The following EYA2 variants were observed in gnomAD, a reference collection of about 807,000 sequenced individuals.
EYA2 encodes protein phosphatase EYA2.
In EYA2, 31 loss-of-function variants were observed where a neutral mutation model predicts 69.2. That is an observed-to-expected ratio of 0.45 (90% confidence interval 0.34 to 0.60). EYA2 has a LOEUF of 0.60. EYA2 is among the 20% of genes least tolerant of loss of function. The probability of loss-of-function intolerance (pLI) is 0.02; values close to 1 mark genes in which losing one functional copy is unlikely to be tolerated. For synonymous variants in EYA2, 257 were observed against 279.4 expected (o/e 0.92, Z 0.80); for missense variants, 622 against 701.2 (o/e 0.89, Z 1.28).
At chr20:47,075,355 AC>A (rs2031476824) in intron 7 of EYA2, among the ~76,000 whole-genome samples, 1 of 152,224 alleles carries the variant, frequency 6.6e-6, no homozygotes. Flanking sequence ...CATAATCCTC[AC>A]AAAAACAGGT....
chr20:47,105,643 A>G (rs371088392), intron 9 of EYA2, among the ~76,000 whole-genome samples: 1 of 114,550 alleles, frequency 8.7e-6, no homozygotes, highest in Non-Finnish European at 2.1e-5. Context: ...AAAAAAAAGG[A>G]ACCTGCCCAA....
intron 12 of EYA2, among the ~76,000 whole-genome samples, chr20:47,178,954 C>T (rs144540414): frequency 3.5e-4 from 53 of 151,798 alleles, no homozygotes; most frequent in African/African-American, 1.2e-3. Flanking sequence ...TGTTTCTTTA[C>T]CTAAAAATAT....
intron 1 of EYA2, among the ~76,000 whole-genome samples, chr20:46,911,752 G>A (rs1429663548): frequency 1.3e-5 from 2 of 152,124 alleles, no homozygotes; most frequent in Admixed American, 6.5e-5. Flanking sequence ...ACTCGATCTC[G>A]TGGAGGTAAA....
At chr20:47,177,427 AT>A (rs1396386424) in intron 12 of EYA2, among the ~76,000 whole-genome samples, 1 of 152,206 alleles carries the variant, frequency 6.6e-6, no homozygotes, top group Non-Finnish European at 1.5e-5. Flanking sequence ...CAGGATTCTT[AT>A]TACTAATGAG....
intron 1 of EYA2, among the ~76,000 whole-genome samples, chr20:46,961,466 T>G (rs1056149700): frequency 6.6e-6 from 1 of 152,198 alleles, no homozygotes; most frequent in Non-Finnish European, 1.5e-5. Context: ...TGTGGAGGTT[T>G]CTCAAGAAAA....
rs761605751 is a variant in EYA2 at position 47,074,194 on chromosome 20, T to C, written c.520T>C (p.Tyr174His). Residue 174 changes from tyrosine to histidine, a missense_variant, in exon 7 of 16, where the codon TAC becomes CAC. By Grantham distance (83) the Tyr-to-His change is moderately conservative (BLOSUM62 2). Coordinates refer to ENST00000327619, the MANE Select transcript of EYA2 (RefSeq NM_005244.5). Reference protein sequence around the residue: ...PSYPGFPQSQYPQYYGSSYNP... With the variant: ...PSYPGFPQSQHPQYYGSSYNP... ...CTACCCCGGCTTCCCCCAGAGCCAG[T>C]ACCCCCAGTATTACGGCTCATCCTA... The C allele has an allele frequency of 2.3e-5, 37 of 1,613,350 alleles. No individual in the cohort carries two copies. The highest frequency in any genetic ancestry group is 3.0e-5 in the Non-Finnish European group (35 of 1,179,622).
intron 7 of EYA2, among the ~76,000 whole-genome samples, chr20:47,077,887 C>A (rs2031573281): frequency 6.6e-6 from 1 of 152,226 alleles, no homozygotes; most frequent in Non-Finnish European, 1.5e-5. Flanking sequence ...TTCTTCCGAT[C>A]TCATTTCAAC....
At chr20:47,096,182 G>A (rs1172374922) in intron 8 of EYA2, 5 of 152,180 alleles carry the variant, frequency 3.3e-5, no homozygotes, top group Non-Finnish European at 7.3e-5. Context: ...AATGGTAGGG[G>A]CATTCTCCTT....
Position 47,028,340 on chromosome 20 carries a change from C to T in EYA2, c.415+12043C>T, listed in dbSNP as rs567041278. Among the ~76,000 whole-genome samples, 26 of 152,352 alleles carry T rather than the reference C, an allele frequency of 1.7e-4. No homozygotes were observed. In the South Asian group the frequency reaches 5.2e-3, roughly 30 times the overall value. On this transcript the variant is annotated intron_variant, in intron 5 of 15. Coordinates refer to ENST00000327619, the MANE Select transcript of EYA2 (RefSeq NM_005244.5). ...CCTGCACTAAGACAGTAGGTTTTTC[C>T]TAGACATGCAAAAGCAGAAATGGAA...
intron 5 of EYA2, among the ~76,000 whole-genome samples, chr20:47,021,643 AAG>A (rs1172466155): frequency 1.3e-5 from 2 of 149,712 alleles, no homozygotes; most frequent in Non-Finnish European, 3.0e-5. Flanking sequence ...AAAAAAAAAA[AAG>A]GCAAGAAAAC....
chr20:47,072,550 A>G (rs1249427225), intron 6 of EYA2, among the ~76,000 whole-genome samples: 3 of 152,184 alleles, frequency 2.0e-5, no homozygotes, highest in African/African-American at 7.2e-5. Flanking sequence ...ATATATATCA[A>G]TACAAATGGG....
intron 1 of EYA2, among the ~76,000 whole-genome samples, chr20:46,917,909 C>T (rs1984987846): frequency 1.3e-5 from 2 of 152,182 alleles, no homozygotes; most frequent in South Asian, 4.1e-4. Context: ...TAAAATAAGA[C>T]AAACATGAAG....
At chr20:47,112,952 ACCACTG>A (rs1199488731) in intron 9 of EYA2, among the ~76,000 whole-genome samples, 2 of 135,136 alleles carry the variant, frequency 1.5e-5, no homozygotes, top group East Asian at 4.6e-4. Flanking sequence ...GCTCACTGCA[ACCACTG>A]CCTCCCAGGT....
chr20:47,039,683 G>T (rs150996694), intron 5 of EYA2, among the ~76,000 whole-genome samples: 9 of 152,062 alleles, frequency 5.9e-5, no homozygotes, highest in Admixed American at 6.6e-5. Flanking sequence ...CTGAGGCGGG[G>T]CATCTTGTAG....
chr20:47,146,653 T>C (rs1471628977), intron 10 of EYA2, among the ~76,000 whole-genome samples: 1 of 152,180 alleles, frequency 6.6e-6, no homozygotes, highest in Non-Finnish European at 1.5e-5. Context: ...CCTGTCAAAA[T>C]CTAAAGCACA....
At chr20:46,928,994 C>T (rs1163238669) in intron 1 of EYA2, among the ~76,000 whole-genome samples, 1 of 152,024 alleles carries the variant, frequency 6.6e-6, no homozygotes, top group Non-Finnish European at 1.5e-5. Context: ...ATCCTTCTGC[C>T]AACAGCTACT....
intron 1 of EYA2, among the ~76,000 whole-genome samples, chr20:46,925,203 A>C (rs1198693888): frequency 6.6e-6 from 1 of 152,222 alleles, no homozygotes; most frequent in African/African-American, 2.4e-5. Context: ...AATCACATCC[A>C]CAATGACCCT....
At chr20:47,158,727 A>G (rs1891977384) in intron 10 of EYA2, among the ~76,000 whole-genome samples, 1 of 152,014 alleles carries the variant, frequency 6.6e-6, no homozygotes, top group Non-Finnish European at 1.5e-5. Flanking sequence ...CCGTAAAGTA[A>G]GGAATTGCTC....
At chr20:47,058,098 A>G (rs1278298672) in intron 5 of EYA2, among the ~76,000 whole-genome samples, 3 of 121,100 alleles carry the variant, frequency 2.5e-5, no homozygotes, top group Non-Finnish European at 5.1e-5. Context: ...TTAAGTTAAT[A>G]CCGGGTTTGG....
Sources: gnomAD v4.1 joint callset for allele counts (sites outside exome capture counted in the v4.1 genomes callset) on GRCh38, gnomAD v4.1.1 for gene constraint, MANE v1.5 for transcripts, NCBI Gene and HGNC (gene_info 2026-07-23, HGNC 2026-07-21) for gene names.